PKNOX1: variants seen among roughly 807,000 people sequenced by gnomAD.
The protein encoded by PKNOX1 is homeobox protein PKNOX1.
PKNOX1 carries 15 observed loss-of-function variants against 51.9 expected under a neutral mutation model. The ratio of observed to expected loss-of-function variants is 0.29; its 90% CI spans 0.19 to 0.45. The LOEUF is 0.45. Ranked by LOEUF, PKNOX1 falls within the 20% of genes least tolerant of loss-of-function variation. The probability of loss-of-function intolerance (pLI) is 1.00; values close to 1 mark genes in which losing one functional copy is unlikely to be tolerated. For synonymous variants in PKNOX1, 219 were observed against 211.1 expected, an observed-to-expected ratio of 1.04 and a Z score of -0.32; for missense variants, 462 against 547.5, an observed-to-expected ratio of 0.84 and a Z score of 1.56.
chr21:43,013,309 C>A, intron 5 of PKNOX1, 71 bp downstream of exon 5: 1 of 1,127,178 alleles, frequency 8.9e-7, no homozygotes, highest in Non-Finnish European at 1.2e-6. Flanking sequence ...ATGAGACCAC[C>A]AGCTCTTTCA....
At chr21:43,015,818 T>G (rs919643139) in intron 5 of PKNOX1, among the ~76,000 whole-genome samples, 2 of 139,642 alleles carry the variant, frequency 1.4e-5, no homozygotes, top group Non-Finnish European at 3.3e-5. Flanking sequence ...TGTGTCTCTA[T>G]TTTTTTTTTA....
chr21:43,025,869 G>A (rs373917682), intron 9 of PKNOX1, among the ~76,000 whole-genome samples: 60 of 152,276 alleles, frequency 3.9e-4, no homozygotes, highest in South Asian at 1.7e-3. Context: ...GGTATGCTTC[G>A]GGGTTGCATA....
At chr21:42,986,018 T>A (rs998649473) in intron 1 of PKNOX1, among the ~76,000 whole-genome samples, 3 of 49,428 alleles carry the variant, frequency 6.1e-5, no homozygotes, top group Non-Finnish European at 9.3e-5. Context: ...AAAAAAAAAA[T>A]TAAAAAAAAA....
chr21:42,975,946 TG>T (rs985726056), intron 1 of PKNOX1, among the ~76,000 whole-genome samples: 34 of 152,338 alleles, frequency 2.2e-4, no homozygotes, highest in African/African-American at 8.2e-4. Context: ...AGAATCGAGG[TG>T]AAATGTGAAC....
chr21:42,985,559 T>C (rs1350429755), intron 1 of PKNOX1, among the ~76,000 whole-genome samples: 3 of 150,170 alleles, frequency 2.0e-5, no homozygotes, highest in African/African-American at 7.3e-5. Context: ...GGTCTCGAAC[T>C]CCTGACTTCA....
intron 5 of PKNOX1, among the ~76,000 whole-genome samples, chr21:43,013,514 T>G (rs1413269127): frequency 6.6e-6 from 1 of 152,248 alleles, no homozygotes; most frequent in African/African-American, 2.4e-5. Flanking sequence ...AATATTTTAC[T>G]TATTCTTTTG....
chr21:43,024,778 C>G lies in PKNOX1; in HGVS notation c.850-93C>G, dbSNP rs1979919911. The G allele has an allele frequency of 1.0e-5, 8 of 779,992 alleles. No homozygotes were observed. In the East Asian group the frequency reaches 2.0e-4, roughly 20 times the overall value. The allele number at this position is 779,992 out of a possible 1,614,324, so 48.3% of individuals were successfully genotyped here. A position where few individuals can be genotyped will look rare whatever the true frequency, so the allele number is the denominator to read the frequency against. On this transcript the variant is annotated intron_variant, in intron 8 of 10. Transcript: ENST00000291547. ...GCACTGTTGACGTGACCATTATTTT[C>G]TAATGATTATGTAATGCTCACATTT...
At chr21:43,013,859 C>T (rs234694) in intron 5 of PKNOX1, among the ~76,000 whole-genome samples, 5 of 151,940 alleles carry the variant, frequency 3.3e-5, no homozygotes, top group African/African-American at 7.2e-5. Flanking sequence ...TTCATCCATG[C>T]GGAAGCACTA....
Position 42,989,653 on chromosome 21 carries a change from A to G in PKNOX1, c.-56-14673A>G, listed in dbSNP as rs1377128567. Among the ~76,000 whole-genome samples, 10 of 152,172 alleles carry G rather than the reference A, an allele frequency of 6.6e-5. No homozygotes were observed. In the East Asian group the frequency reaches 1.5e-3, roughly 24 times the overall value. ...AGGCTGGTCTTGAACTCCTGACCTCAAGTAATCTGCCTGCCTCAGCCTCCC... is the reference window on the plus strand; with the variant it reads ...AGGCTGGTCTTGAACTCCTGACCTCGAGTAATCTGCCTGCCTCAGCCTCCC... On this transcript the variant is annotated intron_variant, in intron 1 of 10. Transcript: ENST00000291547.
chr21:43,005,466 G>A lies in PKNOX1; in HGVS notation c.51+1034G>A, dbSNP rs371215640. Among the ~76,000 whole-genome samples the A allele has an allele frequency of 5.3e-5, 8 of 151,828 alleles. No individual in the cohort carries two copies. The South Asian group carries it at 6.3e-4, about 12-fold the overall frequency. ...CTCTGTATAGCAATTAAAGGAGGGA[G>A]ATTCTGTGATGTAGTCAGCCTGCTT... On this transcript the variant is annotated intron_variant, in intron 2 of 10. Coordinates refer to ENST00000291547, the MANE Select transcript of PKNOX1 (RefSeq NM_004571.5).
chr21:43,017,208 C>A, intron 6 of PKNOX1: 1 of 377,044 alleles, frequency 2.7e-6, no homozygotes, highest in Non-Finnish European at 4.7e-6. Flanking sequence ...TTCTTTGTTT[C>A]TCTACCAAAA....
chr21:42,998,761 A>G (rs1978616620), intron 1 of PKNOX1, among the ~76,000 whole-genome samples: 2 of 152,220 alleles, frequency 1.3e-5, no homozygotes, highest in African/African-American at 2.4e-5. Context: ...ATGCTGATGG[A>G]AGAGGTGGGT....
intron 1 of PKNOX1, among the ~76,000 whole-genome samples, chr21:42,979,027 G>A (rs937529464): frequency 1.3e-5 from 2 of 152,248 alleles, no homozygotes; most frequent in African/African-American, 4.8e-5. Flanking sequence ...AGCCCCCTGA[G>A]TAACTGGGAC....
rs1980295905 is a variant in PKNOX1 at position 43,032,059 on chromosome 21, C to T, written c.*1958C>T. The T allele has an allele frequency of 7.2e-6, 3 of 414,346 alleles. No homozygotes were observed. The Admixed American group carries it at 8.7e-5, about 12-fold the overall frequency. The allele number at this position is 414,346 out of a possible 1,614,324, so 25.7% of individuals were successfully genotyped here. On this transcript the variant is annotated 3_prime_UTR_variant, in exon 11 of 11. Coordinates refer to ENST00000291547, the MANE Select transcript of PKNOX1 (RefSeq NM_004571.5). ...TATTTTTAGTAGAGATGGGTTTCTC[C>T]ATGTTGGTCGGGCTGGTCTCGAACT...
chr21:43,017,737 G>A (rs910919291), intron 6 of PKNOX1: 5 of 172,186 alleles, frequency 2.9e-5, no homozygotes, highest in Non-Finnish European at 6.2e-5. Context: ...GGGCTGTGTG[G>A]GCTGCCAGGC....
At chr21:42,980,420 G>C (rs973354237) in intron 1 of PKNOX1, among the ~76,000 whole-genome samples, 1 of 151,958 alleles carries the variant, frequency 6.6e-6, no homozygotes, top group African/African-American at 2.4e-5. Flanking sequence ...GAAATAGAAA[G>C]GTGCTACTTA....
rs775998397 is a variant in PKNOX1, at chr21:43,030,991, A to G, written c.*890A>G. ...ATTGCATTTTACACTTGATCTAAAC[A>G]TATATCGAAAGATATCTGCTAAACA... On this transcript the variant is annotated 3_prime_UTR_variant, in exon 11 of 11. Transcript: ENST00000291547. The G allele has an allele frequency of 1.7e-4, 26 of 152,404 alleles. No homozygotes were observed. Among genetic ancestry groups the G allele is most frequent in the Non-Finnish European group, 3.5e-4 (24 of 68,002 alleles). The allele number at this position is 152,404 out of a possible 1,614,324, so 9.4% of individuals were successfully genotyped here.
intron 10 of PKNOX1, 144 bp downstream of exon 10, chr21:43,029,018 A>C: frequency 2.6e-6 from 2 of 775,730 alleles, no homozygotes; most frequent in Non-Finnish European, 4.4e-6. Context: ...CAACTAAAAC[A>C]TGAGGAAGCT....
At chr21:43,004,185 C>T (rs1022947204) in intron 1 of PKNOX1, 141 bp from the exon 2 acceptor site, 11 of 441,256 alleles carry the variant, frequency 2.5e-5, no homozygotes, top group East Asian at 9.0e-5. Flanking sequence ...TGAGGTGAGC[C>T]GAGATCGCGC....
Sources: gnomAD v4.1 joint callset for allele counts (sites outside exome capture counted in the v4.1 genomes callset) on GRCh38, gnomAD v4.1.1 for gene constraint, MANE v1.5 for transcripts, NCBI Gene and HGNC (gene_info 2026-07-23, HGNC 2026-07-21) for gene names.